The following ECRG4 variants were observed in gnomAD, a reference collection of about 807,000 sequenced individuals.
ECRG4 encodes augurin.
Under a neutral mutation model 15.8 loss-of-function variants are expected in ECRG4, and 18 were observed. The observed-to-expected ratio is 1.14, with a 90% confidence interval of 0.79 to 1.69. The LOEUF is 1.69. Ranked by LOEUF, ECRG4 falls within the 40% of genes most tolerant of loss-of-function variation. The pLI is 0.00. For synonymous variants in ECRG4, 82 were observed against 73.9 expected, an observed-to-expected ratio of 1.11 and a Z score of -0.56; for missense variants, 200 against 190.9, an observed-to-expected ratio of 1.05 and a Z score of -0.28.
chr2:106,071,674 G>A (rs1676376071), intron 1 of ECRG4, among the ~76,000 whole-genome samples, 170 bp from the exon 2 acceptor site: 1 of 152,210 alleles, frequency 6.6e-6, no homozygotes. Context: ...AGCCTGAATT[G>A]TTTGTCCTGC....
intron 1 of ECRG4, among the ~76,000 whole-genome samples, chr2:106,069,147 CTTT>C (rs1297197813): frequency 7.9e-6 from 1 of 127,076 alleles, no homozygotes; most frequent in Non-Finnish European, 1.7e-5. Flanking sequence ...TTCTTTCTTT[CTTT>C]TCTTTCTTTC....
chr2:106,073,299 A>G (rs1676410414), intron 2 of ECRG4, among the ~76,000 whole-genome samples: 1 of 152,154 alleles, frequency 6.6e-6, no homozygotes, highest in Non-Finnish European at 1.5e-5. Flanking sequence ...TCCTGCATCA[A>G]TGGTCAGACT....
chr2:106,071,038 GA>G (rs1300442998), intron 1 of ECRG4: 1 of 470,964 alleles, frequency 2.1e-6, no homozygotes, highest in Admixed American at 2.4e-5. Flanking sequence ...GAGCTGATCA[GA>G]AACACTTTTA....
In ECRG4 at chr2:106,065,964, G is replaced by A. The variant is rs1313534792; in HGVS notation, c.79+121G>A. ...GTGGCGGCGTAGGGACCCATCCTTA[G>A]CCTAGGCAGGGCCAAGGGGTGGTAG... On this transcript the variant is annotated intron_variant, in intron 1 of 3. Coordinates refer to ENST00000238044, the MANE Select transcript of ECRG4 (RefSeq NM_032411.3). 5 of 881,946 alleles carry A rather than the reference G, an allele frequency of 5.7e-6. No individual in the cohort carries two copies. The Admixed American group carries it at 2.0e-4, about 36-fold the overall frequency. 54.6% of individuals were successfully genotyped at this position (881,946 alleles called of 1,614,324 possible). A position where few individuals can be genotyped will look rare whatever the true frequency, so the allele number is the denominator to read the frequency against.
At chr2:106,071,540 C>A (rs1445712490) in intron 1 of ECRG4, among the ~76,000 whole-genome samples, 1 of 152,202 alleles carries the variant, frequency 6.6e-6, no homozygotes, top group East Asian at 1.9e-4. Flanking sequence ...CAGGAAGATG[C>A]GCTTGACAGA....
chr2:106,063,267 C>G (rs997779728), upstream of ECRG4: 1 of 152,232 alleles, frequency 6.6e-6, no homozygotes, highest in Non-Finnish European at 1.5e-5. Context: ...ATCTAGGAAG[C>G]AGGAAGCAGG....
At chr2:106,070,907 C>T (rs1019775721) in intron 1 of ECRG4, 2 of 471,158 alleles carry the variant, frequency 4.2e-6, no homozygotes, top group African/African-American at 2.0e-5. Context: ...GCTCTACTCA[C>T]TACTTACGAT....
chr2:106,069,285 CTT>C (rs1487036072), intron 1 of ECRG4, among the ~76,000 whole-genome samples: 1 of 121,700 alleles, frequency 8.2e-6, no homozygotes, highest in Non-Finnish European at 1.8e-5. Context: ...TTCTTTTTCT[CTT>C]TCTTTCTTTC....
rs567230397 is a variant in ECRG4 at position 106,077,963 on chromosome 2, C to T, written c.*37C>T. On this transcript the variant is annotated 3_prime_UTR_variant, in exon 4 of 4. Transcript: ENST00000238044. ...CACACGCTGTACAAGAAGCAAATAG[C>T]GATTCTCTTCATGTATCTCCTAATG... The T allele has an allele frequency of 8.8e-6, 14 of 1,596,084 alleles. No individual in the cohort carries two copies. The highest frequency in any genetic ancestry group is 3.5e-5 in the Admixed American group (2 of 57,876).
intron 1 of ECRG4, among the ~76,000 whole-genome samples, chr2:106,069,738 AC>A (rs1359925766): frequency 6.6e-6 from 1 of 152,206 alleles, no homozygotes; most frequent in African/African-American, 2.4e-5. Flanking sequence ...TCCTTTGACC[AC>A]AACTCCGGTT....
At chr2:106,063,726 G>C (rs1676148163), upstream of ECRG4, among the ~76,000 whole-genome samples, 1 of 152,190 alleles carries the variant, frequency 6.6e-6, no homozygotes, top group Non-Finnish European at 1.5e-5. Flanking sequence ...GGAACTACAG[G>C]CACGCACCAC....
upstream of ECRG4, among the ~76,000 whole-genome samples, chr2:106,065,448 G>A (rs1056019642): frequency 1.3e-5 from 2 of 152,178 alleles, no homozygotes; most frequent in Non-Finnish European, 2.9e-5. Context: ...CTTTCGCTGC[G>A]GGCAGCGCTG....
rs76980952 is a variant in ECRG4, at chr2:106,078,087, G to A, written c.*161G>A. On this transcript the variant is annotated 3_prime_UTR_variant, in exon 4 of 4. Coordinates refer to ENST00000238044, the MANE Select transcript of ECRG4 (RefSeq NM_032411.3). ...AAGAGTTAAAACAACACATGTAAATGCCTTTTGATATTTCATGGGAATGCC... is the reference window on the plus strand; with the variant it reads ...AAGAGTTAAAACAACACATGTAAATACCTTTTGATATTTCATGGGAATGCC... 1,428 of 505,188 alleles carry A rather than the reference G, an allele frequency of 2.8e-3. 18 individuals are homozygous for A. Among genetic ancestry groups the A allele is most frequent in the African/African-American group, 0.025 (1,296 of 50,956 alleles). 31.3% of individuals were successfully genotyped at this position (505,188 alleles called of 1,614,324 possible).
chr2:106,074,909 A>G (rs1053188482), intron 3 of ECRG4, among the ~76,000 whole-genome samples: 11 of 152,236 alleles, frequency 7.2e-5, no homozygotes, highest in Admixed American at 5.2e-4. Context: ...CCCCTTAGAC[A>G]TATCATTTGT....
chr2:106,075,803 A>C (rs1676476259), intron 3 of ECRG4, among the ~76,000 whole-genome samples: 1 of 152,240 alleles, frequency 6.6e-6, no homozygotes. Flanking sequence ...AAAGATGAGG[A>C]TCAAATAAGA....
intron 1 of ECRG4, among the ~76,000 whole-genome samples, chr2:106,069,564 A>C (rs923067288): frequency 6.6e-6 from 1 of 152,140 alleles, no homozygotes; most frequent in Non-Finnish European, 1.5e-5. Context: ...CAAACTCCTG[A>C]TCTCAGGCTA....
upstream of ECRG4, among the ~76,000 whole-genome samples, chr2:106,064,861 T>C (rs1676169886): frequency 6.6e-6 from 1 of 152,172 alleles, no homozygotes; most frequent in African/African-American, 2.4e-5. Flanking sequence ...TTCTAGTTTT[T>C]GTTCACTACG....
chr2:106,077,686 A>C, intron 3 of ECRG4, 79 bp from the exon 4 acceptor site: 1 of 1,305,322 alleles, frequency 7.7e-7, no homozygotes, highest in Non-Finnish European at 1.1e-6. Flanking sequence ...CCATGAAGAA[A>C]AGCCATAGGT....
chr2:106,065,430 C>T (rs568522422), upstream of ECRG4, among the ~76,000 whole-genome samples: 27 of 152,334 alleles, frequency 1.8e-4, no homozygotes, highest in African/African-American at 5.3e-4. Context: ...CCCAGCTTGT[C>T]CTAACCGCTT....
Sources: gnomAD v4.1 joint callset for allele counts (sites outside exome capture counted in the v4.1 genomes callset) on GRCh38, gnomAD v4.1.1 for gene constraint, MANE v1.5 for transcripts, NCBI Gene and HGNC (gene_info 2026-07-23, HGNC 2026-07-21) for gene names.